Variants in SLC4A10 observed in about 807,000 individuals in gnomAD.
SLC4A10 encodes sodium-driven chloride bicarbonate exchanger.
Under a neutral mutation model 137.7 loss-of-function variants are expected in SLC4A10, and 42 were observed. The ratio of observed to expected loss-of-function variants is 0.30; its 90% confidence interval spans 0.24 to 0.39. The LOEUF is 0.39. Ranked by LOEUF, SLC4A10 falls within the 10% of genes least tolerant of loss-of-function variation. SLC4A10 has a pLI of 1.00. For missense variants in SLC4A10, 925 were observed against 1,355.0 expected (o/e 0.68, Z 4.98); for synonymous variants, 474 against 464.1 (o/e 1.02, Z -0.27).
At chr2:161,804,194 A>G (rs748474904) in intron 2 of SLC4A10, among the ~76,000 whole-genome samples, 1 of 152,112 alleles carries the variant, frequency 6.6e-6, no homozygotes. Flanking sequence ...AGACACATAG[A>G]GATTATAAAG....
rs58807346 is a variant in SLC4A10 at position 161,928,917 on chromosome 2, T to C, written c.1998-13875T>C. Among the ~76,000 whole-genome samples the C allele has an allele frequency of 7.7e-3, 1,174 of 152,342 alleles. 58 individuals carry two copies. The East Asian group carries it at 0.13, about 17-fold the overall frequency. ...ACATATACATTTGTACATGGAGGTA[T>C]TCACATATCTACGATAGTGCTATCT... On this transcript the variant is annotated intron_variant, in intron 15 of 26. Coordinates refer to ENST00000446997, the MANE Select transcript of SLC4A10 (RefSeq NM_001178015.2).
chr2:161,854,901 A>C, intron 4 of SLC4A10, 69 bp from the exon 5 acceptor site: 1 of 1,397,662 alleles, frequency 7.2e-7, no homozygotes, highest in Non-Finnish European at 9.5e-7. Context: ...TCAACCTTTT[A>C]TTTTTGGTAT....
At chr2:161,755,685 T>C (rs1355759295) in intron 1 of SLC4A10, among the ~76,000 whole-genome samples, 1 of 152,146 alleles carries the variant, frequency 6.6e-6, no homozygotes, top group Non-Finnish European at 1.5e-5. Flanking sequence ...AATATCTTCA[T>C]CCCTTTAGAA....
At chr2:161,888,550 T>C (rs1041502879) in intron 10 of SLC4A10, among the ~76,000 whole-genome samples, 1 of 152,138 alleles carries the variant, frequency 6.6e-6, no homozygotes, top group Non-Finnish European at 1.5e-5. Context: ...ATTCTCTTTG[T>C]AGCAATTGTG....
intron 14 of SLC4A10, 115 bp from the exon 15 acceptor site, chr2:161,905,527 A>G: frequency 7.2e-7 from 1 of 1,387,250 alleles, no homozygotes; most frequent in Admixed American, 2.4e-5. Context: ...TACTCATGGG[A>G]TGTGAAGCTT....
At chr2:161,926,169 A>T (rs1281403041) in intron 15 of SLC4A10, among the ~76,000 whole-genome samples, 1 of 151,620 alleles carries the variant, frequency 6.6e-6, no homozygotes, top group African/African-American at 2.4e-5. Context: ...GTCTCCCATT[A>T]TTATTTTGTG....
chr2:161,833,516 A>C (rs1156683609), intron 3 of SLC4A10, among the ~76,000 whole-genome samples: 1 of 152,210 alleles, frequency 6.6e-6, no homozygotes, highest in Non-Finnish European at 1.5e-5. Context: ...GTCAGCCTGA[A>C]GTTCTAGAAA....
chr2:161,903,890 CA>C, intron 12 of SLC4A10, 113 bp from the exon 13 acceptor site: 1 of 1,038,432 alleles, frequency 9.6e-7, no homozygotes, highest in Non-Finnish European at 1.4e-6. Context: ...ATGTGTGTCT[CA>C]CCTCTGCTGA....
chr2:161,674,604 C>T (rs1420618201), intron 1 of SLC4A10, among the ~76,000 whole-genome samples: 2 of 152,118 alleles, frequency 1.3e-5, no homozygotes, highest in African/African-American at 2.4e-5. Flanking sequence ...AATTATATCA[C>T]AAAATATTTT....
chr2:161,801,215 G>T (rs1257222938), intron 2 of SLC4A10, among the ~76,000 whole-genome samples: 1 of 151,722 alleles, frequency 6.6e-6, no homozygotes, highest in South Asian at 2.1e-4. Flanking sequence ...TATTTCTTGA[G>T]GCCATTTTCT....
chr2:161,817,501 A>T (rs566513548), intron 3 of SLC4A10, among the ~76,000 whole-genome samples: 1 of 152,088 alleles, frequency 6.6e-6, no homozygotes, highest in East Asian at 1.9e-4. Flanking sequence ...CCCATTTGTC[A>T]ATTTTGGCTT....
intron 3 of SLC4A10, among the ~76,000 whole-genome samples, chr2:161,824,991 A>G (rs2057918664): frequency 6.6e-6 from 1 of 152,196 alleles, no homozygotes; most frequent in South Asian, 2.1e-4. Context: ...AGTCCTTTAT[A>G]TAATCCATTT....
At chr2:161,914,159 A>G (rs1686538684) in intron 15 of SLC4A10, among the ~76,000 whole-genome samples, 1 of 152,186 alleles carries the variant, frequency 6.6e-6, no homozygotes, top group African/African-American at 2.4e-5. Context: ...ACATTTTTCT[A>G]CTTATATGTG....
intron 1 of SLC4A10, among the ~76,000 whole-genome samples, chr2:161,722,205 C>T (rs1040706111): frequency 6.6e-6 from 1 of 152,168 alleles, no homozygotes; most frequent in African/African-American, 2.4e-5. Context: ...TCACCCTCAG[C>T]CCGGTTCTAT....
intron 1 of SLC4A10, among the ~76,000 whole-genome samples, chr2:161,631,237 C>T (rs1186198277): frequency 6.6e-6 from 1 of 151,642 alleles, no homozygotes. Flanking sequence ...TTACACAACA[C>T]TCTGAGTATA....
At chr2:161,694,884 A>C (rs911076678) in intron 1 of SLC4A10, among the ~76,000 whole-genome samples, 3 of 151,992 alleles carry the variant, frequency 2.0e-5, no homozygotes, top group African/African-American at 7.2e-5. Flanking sequence ...TTATTTCAAA[A>C]ATCTTAGTAT....
At chr2:161,930,929 G>GTTTTGTTTTT (rs1690247281) in intron 15 of SLC4A10, among the ~76,000 whole-genome samples, 1 of 149,622 alleles carries the variant, frequency 6.7e-6, no homozygotes, top group African/African-American at 2.5e-5. Flanking sequence ...GTTTTGTTTT[G>GTTTTGTTTTT]TTTTGTTTTA....
intron 4 of SLC4A10, 76 bp downstream of exon 4, chr2:161,840,003 C>A: frequency 1.3e-6 from 2 of 1,566,450 alleles, no homozygotes; most frequent in East Asian, 2.3e-5. Context: ...TCTAATGCAA[C>A]AATTTTGCAA....
intron 23 of SLC4A10, among the ~76,000 whole-genome samples, chr2:161,969,721 G>A (rs774342730): frequency 6.6e-6 from 1 of 152,068 alleles, no homozygotes; most frequent in African/African-American, 2.4e-5. Flanking sequence ...AACAAAAAGA[G>A]GGCAAATGGG....
Sources: allele counts gnomAD v4.1 joint callset (sites outside exome capture counted in the v4.1 genomes callset), GRCh38; gene constraint gnomAD v4.1.1; transcripts MANE v1.5; gene names NCBI Gene and HGNC (gene_info 2026-07-23, HGNC 2026-07-21).